The following SLC44A2 variants were observed in gnomAD, a reference collection of about 807,000 sequenced individuals.
SLC44A2 encodes the protein choline transporter-like protein 2.
SLC44A2 carries 57 observed loss-of-function variants against 90.8 expected under a neutral mutation model. The ratio of observed to expected loss-of-function variants is 0.63; its 90% CI spans 0.51 to 0.78. The LOEUF (loss-of-function observed/expected upper bound fraction) is 0.78, where lower values mean the gene tolerates loss of function less well. Among genes scored for constraint, SLC44A2 ranks in the 30% least tolerant of loss-of-function variants. SLC44A2 has a pLI of 0.00. For missense variants in SLC44A2, 794 were observed against 919.7 expected (o/e 0.86, Z 1.77); for synonymous variants, 355 against 360.7 (o/e 0.98, Z 0.18).
intron 1 of SLC44A2, among the ~76,000 whole-genome samples, chr19:10,612,603 C>A (rs140071220): frequency 6.6e-6 from 1 of 152,194 alleles, no homozygotes; most frequent in South Asian, 2.1e-4. Flanking sequence ...GCTGGCTGTA[C>A]GGGTGAGGCC....
Position 10,642,595 on chromosome 19 carries a change from C to T in SLC44A2, c.2014+144C>T, listed in dbSNP as rs149845008. On this transcript the variant is annotated intron_variant, in intron 21 of 21. Coordinates refer to ENST00000335757, the MANE Select transcript of SLC44A2 (RefSeq NM_020428.4). ...CTGTCCCTCGTCCTGGGTCCCCAGCCTGTCTTCCTGGTTTCCTTTTGCGCT... is the reference window on the plus strand; with the variant it reads ...CTGTCCCTCGTCCTGGGTCCCCAGCTTGTCTTCCTGGTTTCCTTTTGCGCT... The T allele has an allele frequency of 1.5e-3, 1,266 of 821,734 alleles. 14 individuals carry two copies. In the African/African-American group the frequency reaches 0.019, roughly 12 times the overall value. 50.9% of individuals were successfully genotyped at this position (821,734 alleles called of 1,614,324 possible).
intron 20 of SLC44A2, among the ~76,000 whole-genome samples, chr19:10,638,973 A>AT (rs367779063): frequency 3.7e-4 from 56 of 152,064 alleles, no homozygotes; most frequent in African/African-American, 1.3e-3. Context: ...CTAATTTTAC[A>AT]TTTTTAGTAG....
At chr19:10,625,759 G>T in intron 1 of SLC44A2, 89 bp downstream of exon 1, 1 of 1,116,522 alleles carries the variant, frequency 9.0e-7, no homozygotes. Context: ...AGGGAAGGGG[G>T]CTGGAGGGGG....
Position 10,634,870 on chromosome 19 carries a change from A to G in SLC44A2, c.938A>G (p.Gln313Arg), listed in dbSNP as rs372851588. 4.7e-5 allele frequency: 76 copies of G among 1,614,068 alleles called. 1 individual carries two copies. The highest frequency in any genetic ancestry group is 3.1e-5 in the Non-Finnish European group (37 of 1,180,042). Residue 313 changes from glutamine (Q) to arginine (R), a missense_variant, in exon 11 of 22, where the codon CAG becomes CGG. By Grantham distance (43) the Gln-to-Arg change is conservative. Transcript: ENST00000335757. ...TTCCGGGTGTACCTGCACTTACGGCAGACCTGGTTGGCCTTTAGTGAGTCA... is the reference window on the plus strand; with the variant it reads ...TTCCGGGTGTACCTGCACTTACGGCGGACCTGGTTGGCCTTTAGTGAGTCA... ...TDFRVYLHLRQTWLAFMIILS... is the reference protein window; with the variant it reads ...TDFRVYLHLRRTWLAFMIILS...
At chr19:10,618,988 A>C (rs1244595142) in intron 1 of SLC44A2, among the ~76,000 whole-genome samples, 4 of 132,092 alleles carry the variant, frequency 3.0e-5, no homozygotes, top group Non-Finnish European at 6.3e-5. Flanking sequence ...TTTTGGATAC[A>C]GGGTCACACT....
intron 20 of SLC44A2, 83 bp downstream of exon 20, chr19:10,638,398 G>A (rs879239888): frequency 2.4e-6 from 3 of 1,268,166 alleles, no homozygotes; most frequent in East Asian, 2.3e-5. Context: ...AGATAAATGT[G>A]GATAGAGGTC....
intron 14 of SLC44A2, chr19:10,635,772 C>CT: frequency 3.1e-6 from 1 of 321,786 alleles, no homozygotes; most frequent in East Asian, 6.7e-5. Context: ...TTCCCTACTT[C>CT]CTTTTTTTTT....
In SLC44A2 at chr19:10,627,792, A is replaced by G; in HGVS notation, c.157A>G (p.Ile53Val). Residue 53 changes from isoleucine to valine, a missense_variant, in exon 3 of 22, where the codon ATA (isoleucine) becomes GTA (valine). Ile to Val is a conservative substitution (Grantham distance 29). Coordinates refer to ENST00000335757, the MANE Select transcript of SLC44A2 (RefSeq NM_020428.4). ...AIVGYVAVGIIAWTHGDPRKV... is the reference protein window; with the variant it reads ...AIVGYVAVGIVAWTHGDPRKV... ...TGTGGGCTACGTGGCTGTAGGCATC[A>G]TAGGTGAGTAGAGAATGAGCAGGAC... 2 of 1,614,082 alleles carry G rather than the reference A, an allele frequency of 1.2e-6. No homozygotes were observed. The highest frequency in any genetic ancestry group is 1.1e-5 in the South Asian group (1 of 91,088).
intron 1 of SLC44A2, among the ~76,000 whole-genome samples, chr19:10,614,639 T>TTA (rs1428001124): frequency 2.6e-5 from 4 of 152,168 alleles, no homozygotes; most frequent in Non-Finnish European, 5.9e-5. Context: ...TGTCTCTGTA[T>TTA]TATATATATC....
Position 10,631,467 on chromosome 19 carries a change from C to T in SLC44A2, c.442-8C>T. 1.2e-6 allele frequency: 2 copies of T among 1,614,106 alleles called. No individual in the cohort carries two copies. Among genetic ancestry groups the T allele is most frequent in the Non-Finnish European group, 1.7e-6 (2 of 1,180,020 alleles). ...TGGGGACTCACCTCCCTCCATCTCT[C>T]TTGGCAGGGAGTGGCTGAGGTGCTT... is the stretch of plus-strand genomic sequence containing the variant. On this transcript the variant is annotated splice_polypyrimidine_tract_variant and splice_region_variant and intron_variant, in intron 6 of 21. Coordinates refer to ENST00000335757, the MANE Select transcript of SLC44A2 (RefSeq NM_020428.4).
At chr19:10,637,098 G>A (rs147420862) in intron 16 of SLC44A2, 241 of 254,086 alleles carry the variant, frequency 9.5e-4, no homozygotes, top group African/African-American at 5.2e-3. Flanking sequence ...ACTCACGCCT[G>A]TAATCCCAGC....
intron 1 of SLC44A2, 120 bp from the exon 2 acceptor site, chr19:10,626,133 C>T: frequency 1.2e-6 from 1 of 825,528 alleles, no homozygotes; most frequent in South Asian, 1.4e-5. Flanking sequence ...TTCCACAGGT[C>T]TCTGAATTTT....
intron 1 of SLC44A2, among the ~76,000 whole-genome samples, chr19:10,602,937 C>T (rs1168162584): frequency 1.3e-5 from 2 of 152,190 alleles, no homozygotes; most frequent in Admixed American, 6.6e-5. Context: ...TCCCCTTTGT[C>T]CATTTCTTCC....
At chr19:10,623,910 G>C (rs569538285), upstream of SLC44A2, among the ~76,000 whole-genome samples, 48 of 152,058 alleles carry the variant, frequency 3.2e-4, no homozygotes, top group South Asian at 9.8e-3. Context: ...GGCTGGTCTT[G>C]AACTCCTGAC....
chr19:10,619,693 C>T (rs1238376297), intron 1 of SLC44A2, among the ~76,000 whole-genome samples: 2 of 152,054 alleles, frequency 1.3e-5, no homozygotes, highest in African/African-American at 2.4e-5. Flanking sequence ...GTGGCTCACA[C>T]CTGTAATCCC....
chr19:10,623,974 C>A (rs1353120291), upstream of SLC44A2, among the ~76,000 whole-genome samples: 1 of 151,764 alleles, frequency 6.6e-6, no homozygotes, highest in East Asian at 1.9e-4. Context: ...CAGGCATGAA[C>A]CACCACACCC....
chr19:10,626,362 C>A, intron 2 of SLC44A2, 61 bp downstream of exon 2: 1 of 1,228,464 alleles, frequency 8.1e-7, no homozygotes, highest in Non-Finnish European at 1.2e-6. Flanking sequence ...CCTGTCTCTT[C>A]ACACCCCCTC....
intron 1 of SLC44A2, among the ~76,000 whole-genome samples, chr19:10,620,430 G>A (rs1362411451): frequency 6.6e-6 from 1 of 151,974 alleles, no homozygotes; most frequent in Non-Finnish European, 1.5e-5. Flanking sequence ...AGCCAAGATC[G>A]GGCAACAGAG....
chr19:10,634,578 CTAAGGATG>C (rs113801616), intron 10 of SLC44A2, among the ~76,000 whole-genome samples, 170 bp from the exon 11 acceptor site: 1,944 of 152,168 alleles, frequency 0.013, 43 homozygotes, highest in African/African-American at 0.044. Flanking sequence ...GAGCAGAGAC[CTAAGGATG>C]TGTGGGATCC....
Sources: gnomAD v4.1 joint callset for allele counts (sites outside exome capture counted in the v4.1 genomes callset) on GRCh38, gnomAD v4.1.1 for gene constraint, MANE v1.5 for transcripts, NCBI Gene and HGNC (gene_info 2026-07-23, HGNC 2026-07-21) for gene names.